Variants in SEMA3E observed in about 807,000 individuals in gnomAD.
SEMA3E encodes the protein semaphorin-3E.
In SEMA3E, 49 loss-of-function variants were observed where a neutral mutation model predicts 93.6. The observed-to-expected ratio is 0.52, with a 90% CI of 0.42 to 0.66. The LOEUF is 0.66. SEMA3E is among the 30% of genes least tolerant of loss of function. The pLI is 0.00. For missense variants in SEMA3E, 906 were observed against 964.8 expected (o/e 0.94, Z 0.81); for synonymous variants, 363 against 330.7 (o/e 1.10, Z -1.06).
At chr7:83,377,585 T>C (rs1024500580) in intron 16 of SEMA3E, among the ~76,000 whole-genome samples, 2 of 151,924 alleles carry the variant, frequency 1.3e-5, no homozygotes, top group African/African-American at 4.8e-5. Context: ...CTTTAAATAA[T>C]TGTCAGGTTC....
intron 1 of SEMA3E, among the ~76,000 whole-genome samples, chr7:83,626,603 C>A (rs1793675861): frequency 6.6e-6 from 1 of 151,874 alleles, no homozygotes; most frequent in African/African-American, 2.4e-5. Flanking sequence ...CTCTTTTCTT[C>A]TTTATTAGTC....
intron 11 of SEMA3E, among the ~76,000 whole-genome samples, chr7:83,397,536 C>A (rs184798139): frequency 1.3e-5 from 2 of 152,174 alleles, no homozygotes; most frequent in Non-Finnish European, 2.9e-5. Context: ...CAAGTATACA[C>A]CATTGAGAGA....
At chr7:83,389,697 T>C (rs1043944621) in intron 14 of SEMA3E, among the ~76,000 whole-genome samples, 5 of 149,738 alleles carry the variant, frequency 3.3e-5, no homozygotes, top group African/African-American at 4.9e-5. Flanking sequence ...CATGTATACA[T>C]ACACACATAT....
At chr7:83,618,973 A>G (rs1485166710) in intron 1 of SEMA3E, among the ~76,000 whole-genome samples, 2 of 151,876 alleles carry the variant, frequency 1.3e-5, no homozygotes, top group Non-Finnish European at 1.5e-5. Flanking sequence ...CCCATCATAC[A>G]TTCTTATATA....
At chr7:83,568,058 A>T (rs973532400) in intron 1 of SEMA3E, among the ~76,000 whole-genome samples, 5 of 152,076 alleles carry the variant, frequency 3.3e-5, no homozygotes, top group African/African-American at 1.2e-4. Context: ...ACTGCAACTT[A>T]TACAACTGAA....
chr7:83,503,920 G>T (rs1439856811), intron 1 of SEMA3E, among the ~76,000 whole-genome samples: 4 of 152,146 alleles, frequency 2.6e-5, no homozygotes, highest in Non-Finnish European at 5.9e-5. Flanking sequence ...TATGGTTGAA[G>T]TGATGTTACA....
chr7:83,591,482 A>T (rs1198248167), intron 1 of SEMA3E, among the ~76,000 whole-genome samples: 2 of 151,802 alleles, frequency 1.3e-5, no homozygotes, highest in African/African-American at 4.8e-5. Context: ...TACAATATTA[A>T]CAAAAAATAA....
intron 1 of SEMA3E, among the ~76,000 whole-genome samples, chr7:83,582,089 A>C (rs1360892610): frequency 6.6e-6 from 1 of 151,922 alleles, no homozygotes; most frequent in Non-Finnish European, 1.5e-5. Context: ...AGAATATTGC[A>C]TTCTATTGCA....
intron 2 of SEMA3E, 86 bp downstream of exon 2, chr7:83,490,028 A>G (rs1215237056): frequency 2.9e-5 from 38 of 1,292,842 alleles, no homozygotes; most frequent in African/African-American, 4.4e-5. Flanking sequence ...TAAAGTGGTC[A>G]ATACAATTAA....
At chr7:83,435,343 T>C (rs556478480) in intron 4 of SEMA3E, among the ~76,000 whole-genome samples, 4 of 152,086 alleles carry the variant, frequency 2.6e-5, no homozygotes, top group Non-Finnish European at 5.9e-5. Flanking sequence ...CCTGTAATCC[T>C]GGCACTTTGG....
chr7:83,395,962 T>C (rs148685374), intron 12 of SEMA3E, among the ~76,000 whole-genome samples: 2 of 152,204 alleles, frequency 1.3e-5, no homozygotes, highest in Non-Finnish European at 2.9e-5. Flanking sequence ...GTATTTCCCA[T>C]GGGAGCAGTG....
intron 4 of SEMA3E, among the ~76,000 whole-genome samples, chr7:83,447,597 C>T (rs994167338): frequency 4.6e-5 from 7 of 152,086 alleles, no homozygotes; most frequent in Admixed American, 2.0e-4. Context: ...GGAAGGTTAT[C>T]GCTGGAGAAA....
intron 3 of SEMA3E, among the ~76,000 whole-genome samples, 197 bp downstream of exon 3, chr7:83,469,046 A>G (rs953897462): frequency 1.3e-5 from 2 of 152,236 alleles, no homozygotes; most frequent in Non-Finnish European, 2.9e-5. Flanking sequence ...CAAGATCTCA[A>G]TGGCATCTCT....
chr7:83,425,708 T>C (rs913776607), intron 4 of SEMA3E, among the ~76,000 whole-genome samples: 63 of 152,184 alleles, frequency 4.1e-4, no homozygotes, highest in African/African-American at 1.5e-3. Context: ...TGCCTGGATA[T>C]CATTCTGAAT....
At chr7:83,437,415 C>G (rs1337785040) in intron 4 of SEMA3E, among the ~76,000 whole-genome samples, 1 of 151,450 alleles carries the variant, frequency 6.6e-6, no homozygotes, top group Non-Finnish European at 1.5e-5. Flanking sequence ...GACACAAAAT[C>G]CAGAAGACAT....
At chr7:83,486,486 T>G (rs1378090587) in intron 2 of SEMA3E, among the ~76,000 whole-genome samples, 3 of 152,102 alleles carry the variant, frequency 2.0e-5, no homozygotes, top group African/African-American at 7.2e-5. Context: ...GGAGGAGAGC[T>G]GGGCCCCAAA....
At chr7:83,377,679 G>A (rs1364402993) in intron 16 of SEMA3E, among the ~76,000 whole-genome samples, 1 of 151,994 alleles carries the variant, frequency 6.6e-6, no homozygotes, top group South Asian at 2.1e-4. Context: ...TGAAATTGAA[G>A]TGAGGAATTA....
chr7:83,422,799 A>G (rs1447935618), intron 4 of SEMA3E, among the ~76,000 whole-genome samples: 3 of 152,252 alleles, frequency 2.0e-5, no homozygotes, highest in Admixed American at 1.3e-4. Context: ...ATTTATTCAA[A>G]TAATTTTAAT....
rs969677638 is a variant in SEMA3E, at chr7:83,532,695, CA to C, written c.116-42422del. ...TAATAAGCAACTGAAACAAACCAAC[CA>C]AAAAAAAAGGGCAGATAATTTTATA... On this transcript the variant is annotated intron_variant, in intron 1 of 16. Transcript: ENST00000643230. 5.0e-5 allele frequency among the ~76,000 whole-genome samples: 5 copies of C among 100,744 alleles called. 1 individual carries two copies. The East Asian group carries it at 7.2e-4, about 15-fold the overall frequency. 66.1% of individuals were successfully genotyped at this position (100,744 alleles called of 152,430 possible).
Sources: allele counts gnomAD v4.1 joint callset (sites outside exome capture counted in the v4.1 genomes callset), GRCh38; gene constraint gnomAD v4.1.1; transcripts MANE v1.5; gene names NCBI Gene and HGNC (gene_info 2026-07-23, HGNC 2026-07-21).